Variants in CNKSR2 observed in about 807,000 individuals in gnomAD.
CNKSR2 encodes CNK homolog protein 2.
CNKSR2 carries 14 observed loss-of-function variants against 84.4 expected under a neutral mutation model. The ratio of observed to expected loss-of-function variants is 0.17; its 90% CI spans 0.11 to 0.26. The LOEUF (loss-of-function observed/expected upper bound fraction) is 0.26. CNKSR2 is among the 10% of genes least tolerant of loss of function. The probability of loss-of-function intolerance (pLI) is 1.00; values close to 1 mark genes in which losing one functional copy is unlikely to be tolerated. For synonymous variants in CNKSR2, 275 were observed against 277.9 expected (o/e 0.99, Z 0.10); for missense variants, 485 against 771.2 (o/e 0.63, Z 4.40).
chrX:21,580,774 T>C (rs1373889012), intron 13 of CNKSR2, among the ~76,000 whole-genome samples: 1 of 111,928 alleles, frequency 8.9e-6, no homozygotes, highest in African/African-American at 3.2e-5. Flanking sequence ...GTTTATTTCC[T>C]TGTCATTCAT....
intron 1 of CNKSR2, among the ~76,000 whole-genome samples, chrX:21,398,313 G>A (rs958673220): frequency 2.7e-5 from 3 of 111,824 alleles, no homozygotes; most frequent in African/African-American, 9.7e-5. Flanking sequence ...TATGTGTGCT[G>A]TCAAGTATTC....
At chrX:21,496,450 T>C (rs1247920721) in intron 6 of CNKSR2, among the ~76,000 whole-genome samples, 2 of 111,840 alleles carry the variant, frequency 1.8e-5, no homozygotes, top group African/African-American at 3.2e-5. Context: ...ATTCTGATTG[T>C]ACTTTTGTTA....
At chrX:21,625,398 G>T (rs1274920456) in intron 20 of CNKSR2, among the ~76,000 whole-genome samples, 2 of 112,088 alleles carry the variant, frequency 1.8e-5, no homozygotes, top group Non-Finnish European at 3.8e-5. Context: ...GCTGTATCAA[G>T]CAATTTGGCT....
intron 3 of CNKSR2, among the ~76,000 whole-genome samples, chrX:21,434,713 G>A (rs1465868311): frequency 1.8e-5 from 2 of 110,409 alleles, no homozygotes; most frequent in Non-Finnish European, 3.8e-5. Context: ...ACATTTTGGA[G>A]AAAACGTGTA....
intron 3 of CNKSR2, among the ~76,000 whole-genome samples, chrX:21,436,203 G>A (rs2090702175): frequency 9.0e-6 from 1 of 111,090 alleles, no homozygotes; most frequent in African/African-American, 3.3e-5. Context: ...ATTATTCAAG[G>A]GAAGAGCAGT....
intron 8 of CNKSR2, chrX:21,503,994 CA>C (rs2091585942): frequency 9.0e-6 from 1 of 111,176 alleles, no homozygotes; most frequent in African/African-American, 3.3e-5. Flanking sequence ...ATAATAGAGA[CA>C]AGATAGTATG....
intron 1 of CNKSR2, among the ~76,000 whole-genome samples, chrX:21,392,876 T>G (rs756340607): frequency 1.8e-5 from 2 of 111,437 alleles, no homozygotes; most frequent in South Asian, 3.8e-4. Flanking sequence ...TCTGTTCACA[T>G]CTCCAAGAAA....
intron 13 of CNKSR2, among the ~76,000 whole-genome samples, chrX:21,579,875 G>A (rs1436021528): frequency 8.9e-6 from 1 of 111,763 alleles, no homozygotes; most frequent in Non-Finnish European, 1.9e-5. Context: ...CAGTTCTGAA[G>A]AAGTGGCAGC....
chrX:21,581,745 G>A (rs1280594378), intron 13 of CNKSR2, among the ~76,000 whole-genome samples: 1 of 112,212 alleles, frequency 8.9e-6, no homozygotes, highest in Non-Finnish European at 1.9e-5. Flanking sequence ...GCCTTCAACA[G>A]ATAATTGTAT....
intron 20 of CNKSR2, among the ~76,000 whole-genome samples, chrX:21,611,299 T>A (rs750641673): frequency 3.5e-4 from 39 of 112,654 alleles, no homozygotes; most frequent in African/African-American, 1.2e-3. Context: ...TTTACAAACA[T>A]TGGAGAAAAC....
chrX:21,469,448 T>C (rs1237121124), intron 4 of CNKSR2, among the ~76,000 whole-genome samples: 1 of 111,819 alleles, frequency 8.9e-6, no homozygotes, highest in Non-Finnish European at 1.9e-5. Flanking sequence ...TTATCAAAAA[T>C]TGTGTTGAAC....
intron 11 of CNKSR2, among the ~76,000 whole-genome samples, chrX:21,540,540 A>AT (rs1298486203): frequency 8.9e-6 from 1 of 112,217 alleles, no homozygotes; most frequent in East Asian, 2.8e-4. Flanking sequence ...TTAAAAAAAA[A>AT]CTAAAGTACA....
chrX:21,485,418 T>A (rs753650051), intron 5 of CNKSR2, among the ~76,000 whole-genome samples: 66 of 111,211 alleles, frequency 5.9e-4, no homozygotes, highest in East Asian at 1.4e-3. Flanking sequence ...AAAGCTTATA[T>A]TTAGGTAAAC....
intron 4 of CNKSR2, among the ~76,000 whole-genome samples, chrX:21,449,004 A>C (rs904382871): frequency 8.9e-6 from 1 of 111,991 alleles, no homozygotes; most frequent in African/African-American, 3.2e-5. Context: ...GTCAAAATTT[A>C]TCTGTTAAAA....
chrX:21,575,637 G>A (rs1388672718), intron 13 of CNKSR2, among the ~76,000 whole-genome samples: 1 of 111,535 alleles, frequency 9.0e-6, no homozygotes, highest in Non-Finnish European at 1.9e-5. Context: ...CAGACCCAAG[G>A]AAGTGCTGTG....
chrX:21,571,647 C>T (rs2092284704), intron 13 of CNKSR2, among the ~76,000 whole-genome samples: 1 of 111,946 alleles, frequency 8.9e-6, no homozygotes, highest in Admixed American at 9.5e-5. Flanking sequence ...TCCAAGCATC[C>T]TGACTCCAAA....
At chrX:21,563,591 A>G (rs2092212230) in intron 13 of CNKSR2, 139 bp downstream of exon 13, 1 of 452,139 alleles carries the variant, frequency 2.2e-6, no homozygotes, top group South Asian at 5.3e-5. Context: ...TTATGCCCTT[A>G]AAAAATGATG....
At chrX:21,506,063 A>G (rs1327407126) in intron 8 of CNKSR2, 1 of 110,876 alleles carries the variant, frequency 9.0e-6, no homozygotes, top group Admixed American at 9.6e-5. Context: ...ATATAATTCC[A>G]TATACCTAAG....
At chrX:21,384,997 G>A (rs2089948339) in intron 1 of CNKSR2, among the ~76,000 whole-genome samples, 2 of 111,817 alleles carry the variant, frequency 1.8e-5, no homozygotes, top group African/African-American at 6.5e-5. Flanking sequence ...AATTAGGTTT[G>A]ACGTCAACTT....
Sources: gnomAD v4.1 joint callset for allele counts (sites outside exome capture counted in the v4.1 genomes callset) on GRCh38, gnomAD v4.1.1 for gene constraint, MANE v1.5 for transcripts, NCBI Gene and HGNC (gene_info 2026-07-23, HGNC 2026-07-21) for gene names.